Variants in HNRNPC observed in about 807,000 individuals in gnomAD.
HNRNPC encodes the protein heterogeneous nuclear ribonucleoprotein C.
A neutral mutation model predicts 33.2 loss-of-function variants in HNRNPC; 3 were observed. The ratio of observed to expected loss-of-function variants is 0.09; its 90% CI spans 0.04 to 0.23. The LOEUF is 0.23. Ranked by LOEUF, HNRNPC falls within the 10% of genes least tolerant of loss-of-function variation. HNRNPC has a pLI of 1.00. For missense variants in HNRNPC, 143 were observed against 366.7 expected, an observed-to-expected ratio of 0.39 and a Z score of 4.98; for synonymous variants, 121 against 126.7, an observed-to-expected ratio of 0.96 and a Z score of 0.30.
At position 21,211,132 on chromosome 14, in the gene HNRNPC, C is replaced by T; in HGVS notation, c.*91G>A. 7.8e-7 allele frequency: 1 copy of T among 1,277,936 alleles called. No individual in the cohort carries two copies. The highest frequency in any genetic ancestry group is 1.1e-6 in the Non-Finnish European group (1 of 890,996). The allele number at this position is 1,277,936 out of a possible 1,614,324, so 79.2% of individuals were successfully genotyped here. A position where few individuals can be genotyped will look rare whatever the true frequency, so the allele number is the denominator to read the frequency against. ...GAACAGTGAGCATGTGCTGAAGATACTAGGGGAGAGGATCTGGTGAAAAAT... is the reference window on the plus strand; with the variant it reads ...GAACAGTGAGCATGTGCTGAAGATATTAGGGGAGAGGATCTGGTGAAAAAT... On this transcript the variant is annotated 3_prime_UTR_variant, in exon 9 of 9. Transcript: ENST00000553300.
chr14:21,218,413 T>C (rs899862376), intron 5 of HNRNPC, among the ~76,000 whole-genome samples: 1 of 152,110 alleles, frequency 6.6e-6, no homozygotes, highest in African/African-American at 2.4e-5. Flanking sequence ...AGGCTGGGCA[T>C]GGTAGCCCAT....
At chr14:21,230,633 T>A (rs1232693456) in intron 4 of HNRNPC, 1 of 511,652 alleles carries the variant, frequency 2.0e-6, no homozygotes, top group African/African-American at 1.9e-5. Flanking sequence ...AAAAACAGAA[T>A]GGTAAACTAA....
chr14:21,225,401 C>T, intron 5 of HNRNPC, among the ~76,000 whole-genome samples: 1 of 151,158 alleles, frequency 6.6e-6, no homozygotes, highest in East Asian at 1.9e-4. Flanking sequence ...CACTGCACTC[C>T]AGCCTGGGCA....
chr14:21,254,456 A>T (rs1300748512), intron 2 of HNRNPC: 3 of 152,242 alleles, frequency 2.0e-5, no homozygotes, highest in East Asian at 3.9e-4. Flanking sequence ...GAACACCCCA[A>T]ATGTTATCTT....
intron 5 of HNRNPC, among the ~76,000 whole-genome samples, chr14:21,217,516 G>GA (rs968364138): frequency 2.0e-5 from 3 of 152,096 alleles, no homozygotes; most frequent in South Asian, 2.1e-4. Context: ...AATTAAGGGG[G>GA]AAAAAATGGA....
Position 21,211,914 on chromosome 14 carries a change from TCTC to T in HNRNPC, c.530_532del (p.Gly177del), listed in dbSNP as rs747805620. ...CTCCTTCTTAATGGCCTGAAGGTCA[TCTC>T]CTTTCACTTTAATATAAACAAAATA... On this transcript the variant is annotated inframe_deletion, in exon 7 of 9. Coordinates refer to ENST00000553300, the MANE Select transcript of HNRNPC (RefSeq NM_004500.4). 6.2e-7 allele frequency: 1 copy of T among 1,610,644 alleles called. No individual in the cohort carries two copies. Among genetic ancestry groups the T allele is most frequent in the Non-Finnish European group, 8.5e-7 (1 of 1,177,160 alleles).
intron 2 of HNRNPC, among the ~76,000 whole-genome samples, chr14:21,245,709 T>C (rs1441236934): frequency 2.6e-5 from 4 of 152,150 alleles, no homozygotes; most frequent in Non-Finnish European, 5.9e-5. Flanking sequence ...TTTTCTTTAA[T>C]ATACTAACCT....
rs115137502 is a variant in HNRNPC, at chr14:21,242,300, T to C, written c.-36-8071A>G. On this transcript the variant is annotated intron_variant, in intron 2 of 8. Coordinates refer to ENST00000553300, the MANE Select transcript of HNRNPC (RefSeq NM_004500.4). ...GAGGTGGAGACCAAACTGGTCAACA[T>C]AGTGAAACCCCATCTCTACAAAAAA... Among the ~76,000 whole-genome samples the C allele has an allele frequency of 2.2e-3, 339 of 152,230 alleles. 1 individual carries two copies. The highest frequency in any genetic ancestry group is 7.6e-3 in the African/African-American group (315 of 41,544).
chr14:21,226,299 G>A (rs1271576357), intron 5 of HNRNPC, among the ~76,000 whole-genome samples: 1 of 148,614 alleles, frequency 6.7e-6, no homozygotes, highest in Non-Finnish European at 1.5e-5. Flanking sequence ...CTCCAGCCCG[G>A]GAGACAGCAC....
chr14:21,258,950 C>T (rs1048890325), intron 2 of HNRNPC, among the ~76,000 whole-genome samples: 1 of 152,180 alleles, frequency 6.6e-6, no homozygotes, highest in Non-Finnish European at 1.5e-5. Flanking sequence ...GTTCTCATCA[C>T]TAATATTCCC....
chr14:21,215,922 A>AAAGG, intron 5 of HNRNPC, among the ~76,000 whole-genome samples: 1 of 146,602 alleles, frequency 6.8e-6, no homozygotes, highest in Admixed American at 6.9e-5. Flanking sequence ...AGAAAGGAAG[A>AAAGG]AAGAAAGAAA....
intron 5 of HNRNPC, among the ~76,000 whole-genome samples, chr14:21,228,624 C>G (rs1038170464): frequency 1.3e-5 from 2 of 152,072 alleles, no homozygotes; most frequent in South Asian, 2.1e-4. Context: ...GAACTCCTGA[C>G]CTCATGATCC....
chr14:21,269,313 G>C lies in HNRNPC; in HGVS notation c.-78C>G, dbSNP rs771777245. On this transcript the variant is annotated 5_prime_UTR_variant, in exon 1 of 9. Transcript: ENST00000553300. ...CTCCACTTACCAAGAAGGGGAGGGA[G>C]AAGAGATTCGATTCTGAGTCTCCTA... 19 of 153,508 alleles carry C rather than the reference G, an allele frequency of 1.2e-4. No homozygotes were observed. In the East Asian group the frequency reaches 3.5e-3, roughly 28 times the overall value. The allele number at this position is 153,508 out of a possible 1,614,324, so 9.5% of individuals were successfully genotyped here.
chr14:21,257,992 G>A lies in HNRNPC; in HGVS notation c.-37+5319C>T, dbSNP rs1279875291. Among the ~76,000 whole-genome samples, 5 of 152,250 alleles carry A rather than the reference G, an allele frequency of 3.3e-5. No homozygotes were observed. The East Asian group carries it at 9.6e-4, about 29-fold the overall frequency. On this transcript the variant is annotated intron_variant, in intron 2 of 8. Coordinates refer to ENST00000553300, the MANE Select transcript of HNRNPC (RefSeq NM_004500.4). Reference sequence around the variant, plus strand: ...TATACACATCTTTAAGCCATTTAAGGTGTTGGGAAATCAAGGGCAAAAATA... The same window carrying A: ...TATACACATCTTTAAGCCATTTAAGATGTTGGGAAATCAAGGGCAAAAATA...
intron 2 of HNRNPC, among the ~76,000 whole-genome samples, chr14:21,256,256 G>T (rs1877181323): frequency 6.6e-6 from 1 of 152,088 alleles, no homozygotes; most frequent in South Asian, 2.1e-4. Flanking sequence ...GACTATCCTG[G>T]CCAACATGGT....
At chr14:21,249,593 C>CAAAAAAAAA (rs756880620) in intron 2 of HNRNPC, among the ~76,000 whole-genome samples, 101 of 83,250 alleles carry the variant, frequency 1.2e-3, no homozygotes, top group African/African-American at 2.9e-3. Context: ...GTCTCAAAAA[C>CAAAAAAAAA]AAAAAAAAAA....
chr14:21,251,133 C>T (rs1018030480), intron 2 of HNRNPC, among the ~76,000 whole-genome samples: 2 of 151,556 alleles, frequency 1.3e-5, no homozygotes, highest in Non-Finnish European at 2.9e-5. Context: ...TGGTGGAGGG[C>T]GCCTGTAGTC....
chr14:21,229,368 C>CA (rs36094058), intron 5 of HNRNPC, among the ~76,000 whole-genome samples: 1,191 of 112,208 alleles, frequency 0.011, 8 homozygotes, highest in South Asian at 0.026. Context: ...GAGACTGTCT[C>CA]AAAAAAAAAA....
intron 2 of HNRNPC, chr14:21,254,697 C>T (rs954541117): frequency 6.6e-5 from 10 of 152,092 alleles, no homozygotes; most frequent in Admixed American, 2.0e-4. Flanking sequence ...CCTGAGGTCG[C>T]GAGTTCGAGA....
Sources: allele counts gnomAD v4.1 joint callset (sites outside exome capture counted in the v4.1 genomes callset), GRCh38; gene constraint gnomAD v4.1.1; transcripts MANE v1.5; gene names NCBI Gene and HGNC (gene_info 2026-07-23, HGNC 2026-07-21).